Variants in FYB2 observed in about 807,000 individuals in gnomAD.
FYB2 encodes FYN binding protein 2.
FYB2 carries 103 observed loss-of-function variants against 94.1 expected under a neutral mutation model. That is an observed-to-expected ratio of 1.09 (90% CI 0.93 to 1.29). The LOEUF (loss-of-function observed/expected upper bound fraction) is 1.29. Among genes scored for constraint, FYB2 ranks in the 50% most tolerant of loss-of-function variants. The pLI is 0.00. For synonymous variants in FYB2, 293 were observed against 287.9 expected (o/e 1.02, Z -0.18); for missense variants, 896 against 841.5 (o/e 1.06, Z -0.80).
At chr1:56,765,961 T>G (rs1645612470) in intron 5 of FYB2, among the ~76,000 whole-genome samples, 1 of 152,108 alleles carries the variant, frequency 6.6e-6, no homozygotes, top group African/African-American at 2.4e-5. Flanking sequence ...GGGGGGTGGA[T>G]TCTAGGGGCA....
chr1:56,736,408 T>A (rs1195032440), intron 15 of FYB2, among the ~76,000 whole-genome samples: 2 of 142,594 alleles, frequency 1.4e-5, no homozygotes, highest in Non-Finnish European at 3.0e-5. Flanking sequence ...AGAGGGAGCA[T>A]CAAACTTAAG....
the FYB2 span, among the ~76,000 whole-genome samples, chr1:56,826,196 G>A: frequency 6.6e-6 from 1 of 152,180 alleles, no homozygotes; most frequent in South Asian, 2.1e-4. Context: ...TCTATGGGGG[G>A]TTGTAGGTTT....
intron 15 of FYB2, among the ~76,000 whole-genome samples, chr1:56,728,536 C>T (rs1644633684): frequency 6.6e-6 from 1 of 152,026 alleles, no homozygotes; most frequent in Non-Finnish European, 1.5e-5. Context: ...AAGGGAGTAC[C>T]TAACTTAAAT....
intron 13 of FYB2, among the ~76,000 whole-genome samples, chr1:56,739,134 T>C (rs1644894503): frequency 6.6e-6 from 1 of 152,044 alleles, no homozygotes; most frequent in Non-Finnish European, 1.5e-5. Context: ...ATGAAGTATT[T>C]ACTTGCCAGG....
Position 56,719,649 on chromosome 1 carries a change from A to G in FYB2, c.*22T>C, listed in dbSNP as rs771100654. On this transcript the variant is annotated 3_prime_UTR_variant, in exon 20 of 20. Transcript: ENST00000343433. The stretch of plus-strand genomic sequence containing the variant: ...GGACTAGTTCTCCTTTGTGCAGTCC[A>G]TAGCATTTGATCTTGATTTTTCTAA... 7 of 1,594,764 alleles carry G rather than the reference A, an allele frequency of 4.4e-6. No homozygotes were observed. In the South Asian group the frequency reaches 4.4e-5, roughly 10 times the overall value.
chr1:56,737,049 A>G (rs1307009606), intron 15 of FYB2, 38 bp downstream of exon 15: 2 of 1,462,112 alleles, frequency 1.4e-6, no homozygotes, highest in Admixed American at 3.5e-5. Context: ...AAATGGGTCA[A>G]ATATCAGCAG....
Position 56,789,001 on chromosome 1 carries a change from TG to T in FYB2, c.890del (p.Pro297GlnfsTer11). The T allele has an allele frequency of 6.2e-7, 1 of 1,614,084 alleles. No individual in the cohort carries two copies. Among genetic ancestry groups the T allele is most frequent in the African/African-American group, 1.3e-5 (1 of 75,040 alleles). ...IVNLQAFQRQ[P>X]AAVPKTQGEV... is the part of the protein sequence containing the mutation. ...CCCCCTGAGTCTTGGGAACAGCAGC[TG>T]GCTGCCTCTGAAAGGCCTGGAGGTT... On this transcript the variant is annotated frameshift_variant, in exon 3 of 20. Transcript: ENST00000343433. LOFTEE classifies it high-confidence loss of function.
intron 11 of FYB2, among the ~76,000 whole-genome samples, 184 bp from the exon 12 acceptor site, chr1:56,742,405 A>G (rs1020448350): frequency 1.3e-5 from 2 of 152,090 alleles, no homozygotes; most frequent in African/African-American, 4.8e-5. Context: ...TTAAACCTCT[A>G]TAAAAGTATG....
At chr1:56,793,109 C>T (rs1646312518) in intron 1 of FYB2, among the ~76,000 whole-genome samples, 1 of 152,032 alleles carries the variant, frequency 6.6e-6, no homozygotes, top group Non-Finnish European at 1.5e-5. Context: ...AGTGGAGAAA[C>T]CCCTTGATAC....
chr1:56,821,098 A>T (rs998874623), upstream of FYB2, among the ~76,000 whole-genome samples: 2 of 152,170 alleles, frequency 1.3e-5, no homozygotes, highest in Non-Finnish European at 2.9e-5. Context: ...TCATGCTCCT[A>T]TGTGTATAAG....
At chr1:56,724,076 T>C (rs1243180007) in intron 16 of FYB2, among the ~76,000 whole-genome samples, 1 of 151,852 alleles carries the variant, frequency 6.6e-6, no homozygotes, top group African/African-American at 2.4e-5. Flanking sequence ...TTTTTTTAGG[T>C]TTAGGAAATT....
chr1:56,767,851 G>T lies in FYB2; in HGVS notation c.1041C>A (p.Cys347Ter). The T allele has an allele frequency of 6.2e-7, 1 of 1,610,358 alleles. No homozygotes were observed. Among genetic ancestry groups the T allele is most frequent in the South Asian group, 1.1e-5 (1 of 90,674 alleles). ...TACGATCAGCAATTTCTTTTGCAGT[G>T]CACAGGTTAATGGAGTTGCCAGAGT... ...LRHSGNSINL[C>*]TAKEIADPTY... The change falls in exon 5 of 20, where the codon TGC (cysteine) becomes TGA (stop). Residue 347 changes from cysteine (C) to a stop codon, truncating the protein, a stop_gained. Transcript: ENST00000343433. LOFTEE classifies it high-confidence loss of function.
intron 17 of FYB2, among the ~76,000 whole-genome samples, chr1:56,723,069 C>T (rs1644516250): frequency 6.6e-6 from 1 of 151,978 alleles, no homozygotes; most frequent in Admixed American, 6.6e-5. Flanking sequence ...TTTTGTCATT[C>T]ATTTGCTTGT....
chr1:56,755,798 C>G, intron 7 of FYB2, 98 bp downstream of exon 7: 1 of 1,202,138 alleles, frequency 8.3e-7, no homozygotes, highest in East Asian at 2.3e-5. Flanking sequence ...CAGGCTAGCT[C>G]AGTTTGGAAA....
intron 1 of FYB2, among the ~76,000 whole-genome samples, chr1:56,793,276 T>A (rs1408613518): frequency 6.6e-6 from 1 of 152,164 alleles, no homozygotes; most frequent in African/African-American, 2.4e-5. Flanking sequence ...CAGAACTGTT[T>A]ACAATTTTCT....
rs187972155 is a variant in FYB2 at position 56,786,894 on chromosome 1, A to T, written c.953+281T>A. 2.1e-3 allele frequency among the ~76,000 whole-genome samples: 313 copies of T among 152,306 alleles called. 3 individuals carry two copies. The highest frequency in any genetic ancestry group is 6.4e-3 in the South Asian group (31 of 4,830). On this transcript the variant is annotated intron_variant, in intron 4 of 19. Transcript: ENST00000343433. Reference sequence around the variant, plus strand: ...TCTTTAGCCTCTAATTCAATTTATGACTATGAAGGGTGATGTTTCAATTTA... The same window carrying T: ...TCTTTAGCCTCTAATTCAATTTATGTCTATGAAGGGTGATGTTTCAATTTA...
chr1:56,732,745 T>TA (rs1644737969), intron 15 of FYB2, among the ~76,000 whole-genome samples: 1 of 152,058 alleles, frequency 6.6e-6, no homozygotes, highest in African/African-American at 2.4e-5. Context: ...GTCTTTTCAG[T>TA]AAATGGTGCT....
intron 1 of FYB2, among the ~76,000 whole-genome samples, chr1:56,796,150 A>G (rs149804018): frequency 2.8e-4 from 43 of 152,288 alleles, no homozygotes; most frequent in Admixed American, 5.2e-4. Context: ...TCAGCCATAC[A>G]TCAAATTAAT....
At chr1:56,720,414 CT>C (rs1192223972) in intron 17 of FYB2, 85 bp from the exon 18 acceptor site, 74 of 1,249,216 alleles carry the variant, frequency 5.9e-5, no homozygotes, top group Admixed American at 2.2e-4. Context: ...AATATAGTAA[CT>C]TCAAAATTAA....
Sources: allele counts gnomAD v4.1 joint callset (sites outside exome capture counted in the v4.1 genomes callset), GRCh38; gene constraint gnomAD v4.1.1; transcripts MANE v1.5; gene names NCBI Gene and HGNC (gene_info 2026-07-23, HGNC 2026-07-21).